Variants in PIK3C2G observed in about 807,000 individuals in gnomAD.
PIK3C2G encodes phosphatidylinositol-4-phosphate 3-kinase catalytic subunit type 2 gamma, also known as phosphatidylinositol 3-kinase C2 domain-containing subunit gamma.
A neutral mutation model predicts 181.1 loss-of-function variants in PIK3C2G; 168 were observed. The observed-to-expected ratio is 0.93, with a 90% confidence interval of 0.82 to 1.05. The LOEUF (loss-of-function observed/expected upper bound fraction) is 1.05. Among genes scored for constraint, PIK3C2G ranks in the 50% least tolerant of loss-of-function variants. The pLI, the probability that PIK3C2G is intolerant of heterozygous loss-of-function variation, is 0.00. For synonymous variants in PIK3C2G, 573 were observed against 592.2 expected (o/e 0.97, Z 0.47); for missense variants, 1,869 against 1,732.8 (o/e 1.08, Z -1.40).
At chr12:18,512,135 T>C (rs1239923112) in intron 24 of PIK3C2G, among the ~76,000 whole-genome samples, 2 of 152,074 alleles carry the variant, frequency 1.3e-5, no homozygotes, top group Admixed American at 1.3e-4. Context: ...TGCATGGGTT[T>C]ATTTCTGGGT....
chr12:18,308,874 G>C (rs893660136), intron 5 of PIK3C2G, among the ~76,000 whole-genome samples: 1 of 151,558 alleles, frequency 6.6e-6, no homozygotes, highest in Non-Finnish European at 1.5e-5. Context: ...TAATTTGTGA[G>C]GAATGTAGCA....
chr12:18,402,868 T>A (rs1419561319), intron 16 of PIK3C2G, among the ~76,000 whole-genome samples: 1 of 152,110 alleles, frequency 6.6e-6, no homozygotes, highest in African/African-American at 2.4e-5. Context: ...TAGTGCCCCT[T>A]AGTACTATCT....
chr12:18,359,441 T>TA (rs1428295233), intron 11 of PIK3C2G, among the ~76,000 whole-genome samples: 1 of 152,212 alleles, frequency 6.6e-6, no homozygotes, highest in African/African-American at 2.4e-5. Flanking sequence ...TATATATCTG[T>TA]TAGGTCCATT....
intron 24 of PIK3C2G, among the ~76,000 whole-genome samples, chr12:18,533,650 G>A (rs937939196): frequency 6.6e-6 from 1 of 151,934 alleles, no homozygotes; most frequent in African/African-American, 2.4e-5. Flanking sequence ...TTAGAACATT[G>A]ATTTTTTAAA....
At chr12:18,548,382 A>G in intron 26 of PIK3C2G, among the ~76,000 whole-genome samples, 1 of 152,066 alleles carries the variant, frequency 6.6e-6, no homozygotes, top group East Asian at 1.9e-4. Flanking sequence ...AGGAAATGCC[A>G]TATATGTATT....
At chr12:18,464,126 A>C (rs1346325658) in intron 18 of PIK3C2G, among the ~76,000 whole-genome samples, 2 of 152,100 alleles carry the variant, frequency 1.3e-5, no homozygotes, top group Non-Finnish European at 2.9e-5. Context: ...AGAAATTTGA[A>C]AAGGGGCTGC....
intron 1 of PIK3C2G, among the ~76,000 whole-genome samples, chr12:18,276,231 G>T (rs1172715010): frequency 6.6e-6 from 1 of 152,170 alleles, no homozygotes; most frequent in African/African-American, 2.4e-5. Flanking sequence ...TCAGGATTCA[G>T]TCTGTGGGTT....
rs564593009 is a variant in PIK3C2G, at chr12:18,599,787, A to G, written c.4087+5218A>G. On this transcript the variant is annotated intron_variant, in intron 30 of 32. Coordinates refer to ENST00000538779, the MANE Select transcript of PIK3C2G (RefSeq NM_001288772.2). ...TAGGTATATTAGGCAAAGCAAGAAAATTCAATCAGAGGTCACAATCTTGAT... is the reference window on the plus strand; with the variant it reads ...TAGGTATATTAGGCAAAGCAAGAAAGTTCAATCAGAGGTCACAATCTTGAT... 3.6e-4 allele frequency among the ~76,000 whole-genome samples: 54 copies of G among 152,094 alleles called. 1 individual carries two copies. Among genetic ancestry groups the G allele is most frequent in the Non-Finnish European group, 6.3e-4 (43 of 67,964 alleles).
intron 18 of PIK3C2G, among the ~76,000 whole-genome samples, chr12:18,451,894 A>G (rs1011958065): frequency 6.6e-6 from 1 of 152,180 alleles, no homozygotes; most frequent in African/African-American, 2.4e-5. Context: ...CGTATGTTGA[A>G]CCAGCCTTGC....
At chr12:18,648,559 G>A (rs2136869275), downstream of PIK3C2G, 1 of 167,502 alleles carries the variant, frequency 6.0e-6, no homozygotes, top group Admixed American at 6.4e-5. Flanking sequence ...CATAAATCCT[G>A]AAATTCTTAC....
chr12:18,319,394 A>G (rs1047245639), intron 6 of PIK3C2G, among the ~76,000 whole-genome samples: 12 of 152,078 alleles, frequency 7.9e-5, no homozygotes, highest in Non-Finnish European at 1.5e-4. Context: ...TTTAAGGAAA[A>G]GTTAAGTGCA....
chr12:18,661,699 A>T, the PIK3C2G span, among the ~76,000 whole-genome samples: 1 of 152,252 alleles, frequency 6.6e-6, no homozygotes, highest in South Asian at 2.1e-4. Context: ...TGCTGGTGGG[A>T]AAGAAATTAG....
At chr12:18,395,823 C>A (rs1378673607) in intron 15 of PIK3C2G, among the ~76,000 whole-genome samples, 1 of 150,482 alleles carries the variant, frequency 6.6e-6, no homozygotes, top group Non-Finnish European at 1.5e-5. Context: ...TATGCTTAAA[C>A]AAAGGATATT....
chr12:18,490,918 A>T (rs1178374874), intron 19 of PIK3C2G, among the ~76,000 whole-genome samples: 1 of 152,180 alleles, frequency 6.6e-6, no homozygotes, highest in African/African-American at 2.4e-5. Flanking sequence ...ATACTCATTG[A>T]TGTCCAGTAA....
intron 31 of PIK3C2G, among the ~76,000 whole-genome samples, chr12:18,627,387 G>A (rs944636940): frequency 7.9e-5 from 12 of 151,984 alleles, no homozygotes; most frequent in South Asian, 2.1e-4. Context: ...TTCTTTGGGC[G>A]TCATTGCTGG....
chr12:18,308,013 A>T (rs2137355421), intron 5 of PIK3C2G, among the ~76,000 whole-genome samples: 1 of 152,038 alleles, frequency 6.6e-6, no homozygotes, highest in South Asian at 2.1e-4. Flanking sequence ...TTGAAAATCT[A>T]GTGTGTATTT....
intron 18 of PIK3C2G, among the ~76,000 whole-genome samples, chr12:18,435,271 G>C (rs1399619375): frequency 6.6e-6 from 1 of 151,864 alleles, no homozygotes; most frequent in African/African-American, 2.4e-5. Context: ...TCATAAATTT[G>C]TCTTTAAGTT....
At chr12:18,249,610 T>A (rs1360195078) in intron 1 of PIK3C2G, among the ~76,000 whole-genome samples, 1 of 152,120 alleles carries the variant, frequency 6.6e-6, no homozygotes. Flanking sequence ...GTAATATCTA[T>A]CATGGGCAGG....
At chr12:18,311,972 G>C (rs1950656115) in intron 5 of PIK3C2G, among the ~76,000 whole-genome samples, 1 of 152,170 alleles carries the variant, frequency 6.6e-6, no homozygotes, top group South Asian at 2.1e-4. Context: ...TGATGTTTGA[G>C]AGCAGGAAGC....
Sources: allele counts gnomAD v4.1 joint callset (sites outside exome capture counted in the v4.1 genomes callset), GRCh38; gene constraint gnomAD v4.1.1; transcripts MANE v1.5; gene names NCBI Gene and HGNC (gene_info 2026-07-23, HGNC 2026-07-21).